The following CNTN5 variants were observed in gnomAD, a reference collection of about 807,000 sequenced individuals.
CNTN5 encodes the protein contactin-5.
CNTN5 carries 77 observed loss-of-function variants against 129.1 expected under a neutral mutation model. That is an observed-to-expected ratio of 0.60 (90% CI 0.50 to 0.72). The LOEUF (loss-of-function observed/expected upper bound fraction) is 0.72. CNTN5 is among the 30% of genes least tolerant of loss of function. CNTN5 has a pLI of 0.00. For synonymous variants in CNTN5, 509 were observed against 465.6 expected (o/e 1.09, Z -1.20); for missense variants, 1,478 against 1,328.8 (o/e 1.11, Z -1.75).
intron 17 of CNTN5, among the ~76,000 whole-genome samples, chr11:100,266,624 C>A (rs1424333604): frequency 8.6e-6 from 1 of 115,708 alleles, no homozygotes; most frequent in African/African-American, 3.2e-5. Flanking sequence ...TTTAGAATTT[C>A]CAAATCTTTT....
At chr11:99,616,994 C>G (rs755534399) in intron 3 of CNTN5, among the ~76,000 whole-genome samples, 6 of 152,142 alleles carry the variant, frequency 3.9e-5, no homozygotes, top group Non-Finnish European at 5.9e-5. Flanking sequence ...GCCTGTAATC[C>G]CAGCTACTCG....
intron 1 of CNTN5, among the ~76,000 whole-genome samples, chr11:99,103,530 A>C (rs1274575412): frequency 1.3e-5 from 2 of 152,134 alleles, no homozygotes; most frequent in Non-Finnish European, 2.9e-5. Context: ...TTAGAATGAG[A>C]TTTATAGCAT....
chr11:99,294,482 A>G (rs1591482087), intron 1 of CNTN5, among the ~76,000 whole-genome samples: 1 of 152,220 alleles, frequency 6.6e-6, no homozygotes, highest in Admixed American at 6.5e-5. Context: ...TCTCTATAAT[A>G]AAACCAGTAA....
At chr11:99,268,562 T>C (rs1393331827) in intron 1 of CNTN5, among the ~76,000 whole-genome samples, 2 of 151,938 alleles carry the variant, frequency 1.3e-5, no homozygotes, top group African/African-American at 4.8e-5. Context: ...TGTTTATTCA[T>C]TGCGTTTTAG....
intron 3 of CNTN5, among the ~76,000 whole-genome samples, chr11:99,674,614 C>A (rs1953191946): frequency 6.6e-6 from 1 of 152,246 alleles, no homozygotes; most frequent in South Asian, 2.1e-4. Context: ...TCACTCTTGT[C>A]AGACCCAAAC....
chr11:99,385,259 T>A (rs1327295036), intron 2 of CNTN5, among the ~76,000 whole-genome samples: 1 of 152,128 alleles, frequency 6.6e-6, no homozygotes, highest in African/African-American at 2.4e-5. Flanking sequence ...TCTATCTAAC[T>A]GAAACCTTGC....
intron 6 of CNTN5, among the ~76,000 whole-genome samples, chr11:99,876,567 G>T (rs1948638327): frequency 6.6e-6 from 1 of 152,126 alleles, no homozygotes. Flanking sequence ...TACATTTATT[G>T]TACTATAACA....
intron 2 of CNTN5, among the ~76,000 whole-genome samples, chr11:99,415,996 C>A (rs1942641140): frequency 6.6e-6 from 1 of 152,084 alleles, no homozygotes; most frequent in African/African-American, 2.4e-5. Flanking sequence ...ATATAAGTAG[C>A]CTCAAAATAG....
chr11:99,908,375 A>T (rs1769778215), intron 6 of CNTN5, among the ~76,000 whole-genome samples: 1 of 152,062 alleles, frequency 6.6e-6, no homozygotes, highest in Admixed American at 6.6e-5. Context: ...TTTTACTATG[A>T]CATCCTTTTC....
At chr11:99,896,879 G>A (rs958906200) in intron 6 of CNTN5, among the ~76,000 whole-genome samples, 3 of 152,068 alleles carry the variant, frequency 2.0e-5, no homozygotes, top group Admixed American at 6.6e-5. Flanking sequence ...GAATATTTAA[G>A]CTTTGACCCA....
intron 3 of CNTN5, among the ~76,000 whole-genome samples, chr11:99,733,002 A>G (rs947994315): frequency 6.6e-6 from 1 of 152,190 alleles, no homozygotes; most frequent in African/African-American, 2.4e-5. Context: ...TATGATGAAA[A>G]GCATGTGATC....
At chr11:99,612,144 T>G (rs560817487) in intron 3 of CNTN5, among the ~76,000 whole-genome samples, 1 of 152,198 alleles carries the variant, frequency 6.6e-6, no homozygotes, top group Non-Finnish European at 1.5e-5. Context: ...TCATATTATT[T>G]AGACCATCCC....
chr11:99,197,127 G>C (rs371473482), intron 1 of CNTN5, among the ~76,000 whole-genome samples: 1 of 151,910 alleles, frequency 6.6e-6, no homozygotes, highest in African/African-American at 2.4e-5. Context: ...AGCACATTTG[G>C]AATATTTTAC....
intron 1 of CNTN5, among the ~76,000 whole-genome samples, chr11:99,235,896 G>A (rs1861234405): frequency 6.6e-6 from 1 of 152,170 alleles, no homozygotes; most frequent in African/African-American, 2.4e-5. Flanking sequence ...CTTTCATGAG[G>A]AAGGCAAGGA....
intron 3 of CNTN5, among the ~76,000 whole-genome samples, chr11:99,745,643 CA>C (rs1944030777): frequency 6.6e-6 from 1 of 151,940 alleles, no homozygotes; most frequent in Admixed American, 6.5e-5. Context: ...CTGTGGATCC[CA>C]AAGGGGCCAG....
At chr11:100,019,361 T>A (rs1275864171) in intron 9 of CNTN5, among the ~76,000 whole-genome samples, 1 of 151,954 alleles carries the variant, frequency 6.6e-6, no homozygotes, top group Non-Finnish European at 1.5e-5. Context: ...TCAATGAATA[T>A]CAAACTTGGT....
intron 2 of CNTN5, among the ~76,000 whole-genome samples, chr11:99,348,843 T>C (rs1938091339): frequency 1.3e-5 from 2 of 152,232 alleles, no homozygotes; most frequent in Admixed American, 6.5e-5. Context: ...TCCCCTGCAA[T>C]GTCACCCAGT....
At chr11:99,440,859 A>T (rs1002785856) in intron 2 of CNTN5, among the ~76,000 whole-genome samples, 18 of 152,202 alleles carry the variant, frequency 1.2e-4, no homozygotes, top group Admixed American at 2.6e-4. Context: ...GGAAGCTGGG[A>T]TACGTAATTA....
chr11:99,155,923 CT>C (rs1860311358), intron 1 of CNTN5, among the ~76,000 whole-genome samples: 2 of 152,028 alleles, frequency 1.3e-5, no homozygotes, highest in African/African-American at 2.4e-5. Context: ...CTATATTATA[CT>C]CTTCTAGGGA....
Sources: gnomAD v4.1 joint callset for allele counts (sites outside exome capture counted in the v4.1 genomes callset) on GRCh38, gnomAD v4.1.1 for gene constraint, MANE v1.5 for transcripts, NCBI Gene and HGNC (gene_info 2026-07-23, HGNC 2026-07-21) for gene names.